SERPINB8: variants seen among roughly 807,000 people sequenced by gnomAD.
SERPINB8 encodes the protein serpin B8.
SERPINB8 carries 25 observed loss-of-function variants against 35.3 expected under a neutral mutation model. That is an observed-to-expected ratio of 0.71 (90% CI 0.52 to 0.99). SERPINB8 has a LOEUF of 0.99. Among genes scored for constraint, SERPINB8 ranks in the 50% least tolerant of loss-of-function variants. SERPINB8 has a pLI of 0.00. For synonymous variants in SERPINB8, 186 were observed against 160.8 expected (o/e 1.16, Z -1.19); for missense variants, 484 against 446.5 (o/e 1.08, Z -0.76).
intron 6 of SERPINB8, among the ~76,000 whole-genome samples, chr18:63,985,904 A>G (rs1250553341): frequency 6.6e-6 from 1 of 152,162 alleles, no homozygotes; most frequent in Non-Finnish European, 1.5e-5. Flanking sequence ...TTCATTTATA[A>G]AGTTTGCTGA....
intron 7 of SERPINB8, among the ~76,000 whole-genome samples, chr18:64,012,001 C>CTAAAA (rs1182391719): frequency 6.6e-6 from 1 of 152,012 alleles, no homozygotes; most frequent in African/African-American, 2.4e-5. Context: ...TGCCCATGTC[C>CTAAAA]TAAAGTTCCT....
intron 5 of SERPINB8, among the ~76,000 whole-genome samples, chr18:63,984,518 G>T (rs894179723): frequency 4.6e-5 from 7 of 152,126 alleles, no homozygotes; most frequent in Admixed American, 3.9e-4. Context: ...TTGTTAGCTT[G>T]GGATTTGACA....
At chr18:63,982,840 G>A (rs1365061022) in intron 4 of SERPINB8, among the ~76,000 whole-genome samples, 1 of 152,006 alleles carries the variant, frequency 6.6e-6, no homozygotes, top group Non-Finnish European at 1.5e-5. Flanking sequence ...AGAGCTGAAG[G>A]GGACCTTGGA....
intron 7 of SERPINB8, among the ~76,000 whole-genome samples, chr18:64,015,175 G>C (rs990090494): frequency 6.6e-6 from 1 of 152,018 alleles, no homozygotes; most frequent in African/African-American, 2.4e-5. Flanking sequence ...AGAGAGCATC[G>C]GCCTGCCCAG....
intron 1 of SERPINB8, among the ~76,000 whole-genome samples, chr18:63,994,701 C>T (rs1342371564): frequency 2.6e-5 from 4 of 152,260 alleles, no homozygotes; most frequent in East Asian, 1.9e-4. Context: ...GGATGCCCTT[C>T]GCAGAGGCTA....
exon 2 of SERPINB8, chr18:64,005,022 C>T: frequency 5.1e-6 from 2 of 394,516 alleles, no homozygotes; most frequent in Non-Finnish European, 4.5e-6. Flanking sequence ...TAATTGCAAC[C>T]TGCGAGCTTC....
intron 3 of SERPINB8, 59 bp from the exon 4 acceptor site, chr18:63,981,662 T>G: frequency 8.6e-7 from 1 of 1,165,808 alleles, no homozygotes; most frequent in Non-Finnish European, 1.3e-6. Context: ...AACAAAATGC[T>G]TTTGCATTTG....
chr18:63,996,955 A>G (rs1313926051), intron 1 of SERPINB8, among the ~76,000 whole-genome samples: 1 of 152,206 alleles, frequency 6.6e-6, no homozygotes, highest in Non-Finnish European at 1.5e-5. Context: ...CTATGTTTCA[A>G]TGGGGCCCAT....
chr18:64,002,141 C>T (rs987771887), intron 1 of SERPINB8, among the ~76,000 whole-genome samples: 5 of 152,150 alleles, frequency 3.3e-5, no homozygotes, highest in Non-Finnish European at 5.9e-5. Context: ...CCCAGCCACT[C>T]TGTGTCTGAG....
chr18:63,991,914 G>C (rs2050826857), downstream of SERPINB8, among the ~76,000 whole-genome samples: 1 of 152,120 alleles, frequency 6.6e-6, no homozygotes, highest in Non-Finnish European at 1.5e-5. Context: ...TCTTTTAGAT[G>C]ATCATATGGT....
intron 3 of SERPINB8, among the ~76,000 whole-genome samples, chr18:63,980,219 CT>C (rs1281004202): frequency 1.8e-4 from 28 of 152,172 alleles, no homozygotes; most frequent in African/African-American, 6.3e-4. Flanking sequence ...ATTCAACACG[CT>C]GTACAGAGCT....
intron 7 of SERPINB8, among the ~76,000 whole-genome samples, chr18:64,011,829 G>A (rs1224557145): frequency 6.6e-6 from 1 of 152,100 alleles, no homozygotes; most frequent in South Asian, 2.1e-4. Context: ...GACTAAGAAA[G>A]GCAGCCACCC....
chr18:63,996,962 C>T (rs1013544901), intron 1 of SERPINB8, among the ~76,000 whole-genome samples: 5 of 152,212 alleles, frequency 3.3e-5, no homozygotes, highest in Middle Eastern at 3.2e-3. Context: ...TCAATGGGGC[C>T]CATTCAACAG....
rs1424381880 is a variant in SERPINB8, at chr18:63,987,174, A to G, written c.1021A>G (p.Ser341Gly). Residue 341 changes from serine to glycine, a missense_variant, in exon 7 of 7, where the codon AGC (serine) becomes GGC (glycine). Physicochemically the swap from Ser to Gly is moderately conservative, Grantham distance 56. Coordinates refer to ENST00000397985, the MANE Select transcript of SERPINB8 (RefSeq NM_002640.4). ...ATAVVRNSRC[S>G]RMEPRFCADH... The stretch of plus-strand genomic sequence containing the variant: ...TGCTGTGGTCAGGAATTCCCGGTGC[A>G]GCAGAATGGAGCCAAGATTCTGTGC... 3.1e-6 allele frequency: 5 copies of G among 1,614,084 alleles called. No individual in the cohort carries two copies. The South Asian group carries it at 3.3e-5, about 11-fold the overall frequency.
chr18:63,970,197 G>A (rs1037467198), intron 1 of SERPINB8, 27 bp downstream of exon 1: 6 of 288,920 alleles, frequency 2.1e-5, no homozygotes, highest in Non-Finnish European at 3.4e-5. Flanking sequence ...GGTACCGGGC[G>A]GGGCAGGCAC....
chr18:64,001,824 GC>G (rs1432210382), intron 1 of SERPINB8, among the ~76,000 whole-genome samples: 1 of 152,136 alleles, frequency 6.6e-6, no homozygotes, highest in African/African-American at 2.4e-5. Context: ...ACACCTGCTT[GC>G]CCCACCCTAA....
intron 1 of SERPINB8, among the ~76,000 whole-genome samples, chr18:63,996,293 C>G (rs1010526298): frequency 6.6e-6 from 1 of 152,176 alleles, no homozygotes; most frequent in Non-Finnish European, 1.5e-5. Flanking sequence ...GGCCTGCGCA[C>G]ATGGCCTCAG....
At chr18:64,009,349 A>T (rs1352371606), downstream of SERPINB8, among the ~76,000 whole-genome samples, 2 of 152,322 alleles carry the variant, frequency 1.3e-5, no homozygotes, top group South Asian at 2.1e-4. Context: ...GTATTTAAAA[A>T]TTTACATAAA....
At chr18:64,006,340 C>T (rs188641274), downstream of SERPINB8, among the ~76,000 whole-genome samples, 982 of 152,242 alleles carry the variant, frequency 6.5e-3, 6 homozygotes, top group South Asian at 0.021. Context: ...AAGCTCTAAC[C>T]CCCAATTTGA....
Sources: gnomAD v4.1 joint callset for allele counts (sites outside exome capture counted in the v4.1 genomes callset) on GRCh38, gnomAD v4.1.1 for gene constraint, MANE v1.5 for transcripts, NCBI Gene and HGNC (gene_info 2026-07-23, HGNC 2026-07-21) for gene names.